Variants in NAV2 observed in about 807,000 individuals in gnomAD.
NAV2 encodes neuron navigator 2, also known as helicase, APC down-regulated 1.
NAV2 carries 54 observed loss-of-function variants against 223.2 expected under a neutral mutation model. The ratio of observed to expected loss-of-function variants is 0.24; its 90% CI spans 0.19 to 0.30. NAV2 has a LOEUF of 0.30. NAV2 is among the 10% of genes least tolerant of loss of function. The pLI is 1.00. For synonymous variants in NAV2, 1,279 were observed against 1,239.3 expected (o/e 1.03, Z -0.67); for missense variants, 2,806 against 3,147.5 (o/e 0.89, Z 2.60).
intron 1 of NAV2, among the ~76,000 whole-genome samples, chr11:19,612,698 A>G (rs1019991034): frequency 6.6e-6 from 1 of 152,136 alleles, no homozygotes; most frequent in Non-Finnish European, 1.5e-5. Flanking sequence ...TATTGTCCAT[A>G]TGGCTATCAG....
rs191089582 is a variant in NAV2, at chr11:19,562,325, C to T, written c.75+211298C>T. Among the ~76,000 whole-genome samples, 148 of 152,238 alleles carry T rather than the reference C, an allele frequency of 9.7e-4. 2 individuals are homozygous for T. Among genetic ancestry groups the T allele is most frequent in the Admixed American group, 2.7e-3 (41 of 15,294 alleles). On this transcript the variant is annotated intron_variant, in intron 1 of 37. Coordinates refer to the NAV2 transcript ENST00000360655. ...GACCACCAACCCTTTGGGGCAAATC[C>T]GCTCTCAGAGGGTGGAAAGTCTTGT...
intron 1 of NAV2, among the ~76,000 whole-genome samples, chr11:19,528,516 T>G (rs2043915148): frequency 6.6e-6 from 1 of 152,182 alleles, no homozygotes. Flanking sequence ...AGGGATGGAC[T>G]CCGGCAGGTG....
chr11:19,709,351 G>C (rs1049269561), upstream of NAV2, among the ~76,000 whole-genome samples: 4 of 151,788 alleles, frequency 2.6e-5, no homozygotes, highest in Admixed American at 1.3e-4. Context: ...GACCATCCTG[G>C]CTAACATGGT....
rs566852831 is a variant in NAV2 at position 19,591,039 on chromosome 11, G to A, written c.75+240012G>A. 5 of 152,292 alleles carry A rather than the reference G, an allele frequency of 3.3e-5. 1 individual carries two copies. The highest frequency in any genetic ancestry group is 1.2e-4 in the African/African-American group (5 of 41,572). 9.4% of individuals were successfully genotyped at this position (152,292 alleles called of 1,614,324 possible). A position where few individuals can be genotyped will look rare whatever the true frequency, so the allele number is the denominator to read the frequency against. ...AATAATTCACTTTAGGGCCCTAGCA[G>A]TTGAATTGTAGAAAGCATATTGTTA... On this transcript the variant is annotated intron_variant, in intron 1 of 37. Coordinates refer to the NAV2 transcript ENST00000360655.
At chr11:20,016,167 T>A (rs780836529) in intron 11 of NAV2, among the ~76,000 whole-genome samples, 16 of 152,234 alleles carry the variant, frequency 1.1e-4, no homozygotes, top group Non-Finnish European at 2.2e-4. Flanking sequence ...TTATGTCCTT[T>A]ACTGGAAATG....
chr11:19,806,829 C>T (rs2058592567), intron 1 of NAV2, among the ~76,000 whole-genome samples: 1 of 152,206 alleles, frequency 6.6e-6, no homozygotes, highest in Non-Finnish European at 1.5e-5. Flanking sequence ...ACTTGGGTGT[C>T]AGTGAAATGC....
chr11:19,742,115 C>A (rs1173606580), intron 1 of NAV2, among the ~76,000 whole-genome samples: 1 of 152,152 alleles, frequency 6.6e-6, no homozygotes, highest in East Asian at 1.9e-4. Context: ...TGATGTTGAG[C>A]ACCTTGTCAT....
At chr11:19,817,831 G>A (rs1379737950) in intron 1 of NAV2, among the ~76,000 whole-genome samples, 1 of 152,136 alleles carries the variant, frequency 6.6e-6, no homozygotes, top group Non-Finnish European at 1.5e-5. Context: ...TCACCTACTA[G>A]GAAGCGGAAC....
At chr11:19,366,276 A>G (rs1848276074) in intron 1 of NAV2, among the ~76,000 whole-genome samples, 1 of 152,200 alleles carries the variant, frequency 6.6e-6, no homozygotes, top group Admixed American at 6.5e-5. Context: ...GAGAAGAGGC[A>G]GTAGCTGCAC....
At chr11:19,697,507 C>CTTTT (rs546880604) in intron 1 of NAV2, among the ~76,000 whole-genome samples, 1 of 144,352 alleles carries the variant, frequency 6.9e-6, no homozygotes, top group Non-Finnish European at 1.5e-5. Flanking sequence ...CAAGATAGTT[C>CTTTT]TTTTTTTTTT....
chr11:19,586,950 T>C (rs545570152), intron 1 of NAV2, among the ~76,000 whole-genome samples: 1 of 152,364 alleles, frequency 6.6e-6, no homozygotes, highest in East Asian at 1.9e-4. Context: ...TGCTGCCTTT[T>C]GTTTGGCTAT....
chr11:19,806,275 C>G (rs2058557214), intron 1 of NAV2, among the ~76,000 whole-genome samples: 1 of 152,216 alleles, frequency 6.6e-6, no homozygotes, highest in Non-Finnish European at 1.5e-5. Flanking sequence ...CCTTTCCTGA[C>G]TTCTGTTTCT....
intron 3 of NAV2, among the ~76,000 whole-genome samples, chr11:19,850,952 G>A (rs1414371170): frequency 1.3e-5 from 2 of 152,214 alleles, no homozygotes; most frequent in African/African-American, 4.8e-5. Context: ...GGGGCCAGCT[G>A]TGGGTTGTGA....
At chr11:19,990,306 CA>C (rs903743941) in intron 11 of NAV2, among the ~76,000 whole-genome samples, 2 of 152,168 alleles carry the variant, frequency 1.3e-5, no homozygotes, top group African/African-American at 4.8e-5. Context: ...GATCACAGGT[CA>C]GGGGTGATGC....
intron 1 of NAV2, among the ~76,000 whole-genome samples, chr11:19,586,047 A>G (rs1440660308): frequency 2.0e-5 from 3 of 152,210 alleles, no homozygotes; most frequent in Non-Finnish European, 4.4e-5. Flanking sequence ...GTTTTCACAT[A>G]GTCCCATATT....
At chr11:19,594,198 T>A (rs1479799722) in intron 1 of NAV2, among the ~76,000 whole-genome samples, 1 of 152,010 alleles carries the variant, frequency 6.6e-6, no homozygotes, top group African/African-American at 2.4e-5. Flanking sequence ...GAAGAGGAGC[T>A]GAAAGTGAAG....
At chr11:20,070,182 G>T (rs541981375) in intron 22 of NAV2, among the ~76,000 whole-genome samples, 1 of 152,122 alleles carries the variant, frequency 6.6e-6, no homozygotes, top group Non-Finnish European at 1.5e-5. Flanking sequence ...GTTCTATCCC[G>T]TGGGCAGATT....
intron 1 of NAV2, among the ~76,000 whole-genome samples, chr11:19,776,941 C>G (rs1194407767): frequency 6.6e-6 from 1 of 152,034 alleles, no homozygotes; most frequent in Non-Finnish European, 1.5e-5. Flanking sequence ...CCCACGCCCT[C>G]CCCGAAATAG....
At chr11:19,823,537 C>T (rs1489200138) in intron 1 of NAV2, among the ~76,000 whole-genome samples, 2 of 152,010 alleles carry the variant, frequency 1.3e-5, no homozygotes, top group African/African-American at 2.4e-5. Flanking sequence ...GACAGGGTTT[C>T]ACCATGTTGC....
Sources: gnomAD v4.1 joint callset for allele counts (sites outside exome capture counted in the v4.1 genomes callset) on GRCh38, gnomAD v4.1.1 for gene constraint, MANE v1.5 for transcripts, NCBI Gene and HGNC (gene_info 2026-07-23, HGNC 2026-07-21) for gene names.